Variants in UGT3A1 observed in about 807,000 individuals in gnomAD.
UGT3A1 encodes UDP glycosyltransferase family 3 member A1, also known as UDP-glycosyltransferase 3A1.
In UGT3A1, 40 loss-of-function variants were observed where a neutral mutation model predicts 37.6. The ratio of observed to expected loss-of-function variants is 1.06; its 90% CI spans 0.83 to 1.38. The LOEUF is 1.38. Among genes scored for constraint, UGT3A1 ranks in the 40% most tolerant of loss-of-function variants. The probability of loss-of-function intolerance (pLI) is 0.00; values close to 1 mark genes in which losing one functional copy is unlikely to be tolerated. For synonymous variants in UGT3A1, 256 were observed against 232.3 expected (o/e 1.10, Z -0.93); for missense variants, 642 against 634.2 (o/e 1.01, Z -0.13).
At chr5:35,989,797 A>AG (rs966888281) in intron 1 of UGT3A1, among the ~76,000 whole-genome samples, 126 of 152,242 alleles carry the variant, frequency 8.3e-4, no homozygotes, top group African/African-American at 3.0e-3. Flanking sequence ...TGCTACTAAC[A>AG]CTCAGAAAGC....
At chr5:35,976,839 T>A (rs1103841) in intron 2 of UGT3A1, among the ~76,000 whole-genome samples, 146,683 of 149,252 alleles carry the variant, frequency 0.98, 72,100 homozygotes, top group African/African-American at 1. Flanking sequence ...GCCTCAAAAA[T>A]AATATGAAAG....
chr5:35,975,028 A>C (rs1028774075), intron 2 of UGT3A1, among the ~76,000 whole-genome samples: 1 of 152,232 alleles, frequency 6.6e-6, no homozygotes, highest in Admixed American at 6.5e-5. Context: ...TGGGCAAAAC[A>C]TAAATATATT....
chr5:35,972,451 A>T (rs1025294081), intron 2 of UGT3A1, among the ~76,000 whole-genome samples: 1 of 150,832 alleles, frequency 6.6e-6, no homozygotes, highest in African/African-American at 2.4e-5. Flanking sequence ...TAGATTTTGG[A>T]CTTGCTAACA....
At chr5:35,988,731 G>A (rs1384811289) in intron 1 of UGT3A1, among the ~76,000 whole-genome samples, 180 bp from the exon 2 acceptor site, 1 of 152,172 alleles carries the variant, frequency 6.6e-6, no homozygotes, top group African/African-American at 2.4e-5. Context: ...GTAATGCCCA[G>A]TACATGCACC....
At chr5:35,999,022 G>A (rs780380889) in intron 1 of UGT3A1, among the ~76,000 whole-genome samples, 26 of 152,006 alleles carry the variant, frequency 1.7e-4, no homozygotes, top group Non-Finnish European at 1.5e-5. Flanking sequence ...AGATCAGGAG[G>A]TCAGGAGATT....
chr5:35,957,213 G>C lies in UGT3A1; in HGVS notation c.1050C>G (p.Asp350Glu). The C allele has an allele frequency of 6.2e-7, 1 of 1,614,170 alleles. No individual in the cohort carries two copies. The highest frequency in any genetic ancestry group is 8.5e-7 in the Non-Finnish European group (1 of 1,180,018). Reference protein sequence around the residue: ...VHLATNVKIVDWLPQSDLLAH... With the variant: ...VHLATNVKIVEWLPQSDLLAH... The stretch of plus-strand genomic sequence containing the variant: ...CCAGGAGGTCACTCTGAGGAAGCCA[G>C]TCCACAATTTTCACATTTGTGGCCA... Residue 350 changes from aspartate (D) to glutamate (E), a missense_variant, in exon 5 of 7, where the codon GAC becomes GAG. Transcript: ENST00000274278.
rs1479115386 is a variant in UGT3A1, at chr5:35,991,313, G to A, written c.-73C>T. 6 of 1,598,236 alleles carry A rather than the reference G, an allele frequency of 3.8e-6. No homozygotes were observed. Among genetic ancestry groups the A allele is most frequent in the South Asian group, 2.3e-5 (2 of 88,258 alleles). On this transcript the variant is annotated 5_prime_UTR_variant, in exon 1 of 7. Coordinates refer to ENST00000274278, the MANE Select transcript of UGT3A1 (RefSeq NM_152404.4). ...GCGCCGGGCTAAGGACTCTGTGCGCGCCTCAGTACTCCAAAGGCACTGGCT... is the reference window on the plus strand; with the variant it reads ...GCGCCGGGCTAAGGACTCTGTGCGCACCTCAGTACTCCAAAGGCACTGGCT...
chr5:35,974,852 T>G (rs948220092), intron 2 of UGT3A1, among the ~76,000 whole-genome samples: 1 of 152,206 alleles, frequency 6.6e-6, no homozygotes, highest in Non-Finnish European at 1.5e-5. Flanking sequence ...CCATTTAGTC[T>G]GCATGAAACT....
chr5:35,983,475 A>C (rs1740610256), intron 2 of UGT3A1, among the ~76,000 whole-genome samples: 1 of 152,152 alleles, frequency 6.6e-6, no homozygotes, highest in Non-Finnish European at 1.5e-5. Flanking sequence ...AAACATCCAA[A>C]TAACGAAACC....
chr5:35,991,053 C>G (rs1170176879), intron 1 of UGT3A1, 94 bp downstream of exon 1: 26 of 1,610,526 alleles, frequency 1.6e-5, no homozygotes, highest in Non-Finnish European at 2.1e-5. Flanking sequence ...GGAAAATCGC[C>G]TGGATAACTC....
intron 1 of UGT3A1, among the ~76,000 whole-genome samples, chr5:35,999,673 T>C (rs1352538795): frequency 6.6e-6 from 1 of 152,218 alleles, no homozygotes; most frequent in Non-Finnish European, 1.5e-5. Context: ...CTGGAAACCG[T>C]CCTTCATGGT....
chr5:35,970,253 G>A (rs187207544), intron 2 of UGT3A1, among the ~76,000 whole-genome samples: 18 of 152,112 alleles, frequency 1.2e-4, no homozygotes, highest in East Asian at 5.8e-4. Flanking sequence ...TTAGCCAGGC[G>A]TGGTGGCACA....
chr5:35,972,887 G>GAAA (rs5867299), intron 2 of UGT3A1, among the ~76,000 whole-genome samples: 1 of 146,988 alleles, frequency 6.8e-6, no homozygotes, highest in Non-Finnish European at 1.5e-5. Context: ...TGTCTGCCCT[G>GAAA]AAAAAAAAAA....
At chr5:35,981,856 C>G (rs189018313) in intron 2 of UGT3A1, among the ~76,000 whole-genome samples, 11 of 152,206 alleles carry the variant, frequency 7.2e-5, no homozygotes, top group African/African-American at 2.7e-4. Context: ...CAATCACAGG[C>G]CCAGAGGCCT....
chr5:35,957,091 C>T (rs1475172114), intron 5 of UGT3A1, 97 bp downstream of exon 5: 11 of 968,676 alleles, frequency 1.1e-5, no homozygotes, highest in South Asian at 4.6e-5. Context: ...GTAGCTACTA[C>T]GTAGGCTGAT....
intron 2 of UGT3A1, among the ~76,000 whole-genome samples, chr5:35,974,260 A>G (rs2149973455): frequency 6.6e-6 from 1 of 152,254 alleles, no homozygotes; most frequent in East Asian, 1.9e-4. Flanking sequence ...ATTAGACCCT[A>G]ATTCCAAGGG....
upstream of UGT3A1, among the ~76,000 whole-genome samples, chr5:35,996,234 A>T (rs1741092724): frequency 6.6e-6 from 1 of 152,188 alleles, no homozygotes; most frequent in Non-Finnish European, 1.5e-5. Context: ...AGGAGAATGC[A>T]ACTCAGGAAG....
intron 1 of UGT3A1, among the ~76,000 whole-genome samples, chr5:35,997,625 C>T (rs1194357470): frequency 6.6e-6 from 1 of 152,118 alleles, no homozygotes; most frequent in Non-Finnish European, 1.5e-5. Context: ...CAAGGTTTCA[C>T]CATGTTGGCC....
upstream of UGT3A1, chr5:35,991,453 C>A: frequency 7.1e-7 from 1 of 1,401,574 alleles, no homozygotes; most frequent in Non-Finnish European, 9.3e-7. Context: ...AATCTGCCCT[C>A]ACCCTATCAA....
Sources: gnomAD v4.1 joint callset for allele counts (sites outside exome capture counted in the v4.1 genomes callset) on GRCh38, gnomAD v4.1.1 for gene constraint, MANE v1.5 for transcripts, NCBI Gene and HGNC (gene_info 2026-07-23, HGNC 2026-07-21) for gene names.